The following PSD4 variants were observed in gnomAD, a reference collection of about 807,000 sequenced individuals.
PSD4 encodes the protein PH and SEC7 domain-containing protein 4.
PSD4 carries 59 observed loss-of-function variants against 112.5 expected under a neutral mutation model. The observed-to-expected ratio is 0.52, with a 90% CI of 0.43 to 0.65. The LOEUF (loss-of-function observed/expected upper bound fraction) is 0.65, where lower values mean the gene tolerates loss of function less well. PSD4 is among the 30% of genes least tolerant of loss of function. PSD4 has a pLI of 0.00. For synonymous variants in PSD4, 533 were observed against 540.0 expected (o/e 0.99, Z 0.18); for missense variants, 1,267 against 1,352.6 (o/e 0.94, Z 0.99).
chr2:113,199,010 G>C, intron 15 of PSD4, 73 bp from the exon 16 acceptor site: 1 of 1,511,684 alleles, frequency 6.6e-7, no homozygotes, highest in East Asian at 2.5e-5. Context: ...GGCCAGGGGG[G>C]CGGCGCGCCC....
rs771571294 is a variant in PSD4 at position 113,193,270 on chromosome 2, G to C, written c.1932G>C (p.Gln644His). The change falls in exon 8 of 17, where the codon CAG becomes CAC. Residue 644 changes from glutamine (Q) to histidine (H), a missense_variant. This residue lies in a region of PSD4 where 544 missense variants were observed against 648.6 expected (regional missense o/e 0.84). Transcript: ENST00000245796. ...CCCTCCTTTGCAGGAGCTTCCTCCA[G>C]GCCTTGGTGCTCAGTGGGGAGACTC... is the stretch of plus-strand genomic sequence containing the variant. ...SLDRALRSFLQALVLSGETQE... is the reference protein window; with the variant it reads ...SLDRALRSFLHALVLSGETQE... 1 of 1,587,270 alleles carries C rather than the reference G, an allele frequency of 6.3e-7. No homozygotes were observed. The highest frequency in any genetic ancestry group is 8.6e-7 in the Non-Finnish European group (1 of 1,168,488).
chr2:113,198,863 G>T lies in PSD4; in HGVS notation c.2748G>T (p.Val916=). The change falls in exon 15 of 17, where the codon GTG becomes GTT. Residue 916 remains valine (V), a synonymous_variant. Transcript: ENST00000245796. ...GATTCGTGCGGCCCATCCTGCCCGT[G>T]GGCCCCGCCCAGAGCTCCCTGGTAC... ...QRRFVRPILP[V]GPAQSSLEEQ... 6.3e-7 allele frequency: 1 copy of T among 1,594,702 alleles called. No individual in the cohort carries two copies. The highest frequency in any genetic ancestry group is 8.5e-7 in the Non-Finnish European group (1 of 1,177,132).
At position 113,202,635 on chromosome 2, in the gene PSD4, C is replaced by G. The variant is rs979179853; in HGVS notation, c.*1220C>G. The G allele has an allele frequency of 3.9e-5, 6 of 152,376 alleles. No individual in the cohort carries two copies. The East Asian group carries it at 7.7e-4, about 20-fold the overall frequency. 9.4% of individuals were successfully genotyped at this position (152,376 alleles called of 1,614,324 possible). ...TCTGCCTGTAGGAAGGAGGCTGGGC[C>G]GGAGGGACCAGCCACCATTGTCTCT... On this transcript the variant is annotated 3_prime_UTR_variant, in exon 17 of 17. Transcript: ENST00000245796.
rs570623720 is a variant in PSD4, at chr2:113,186,179, G to T, written c.1552G>T (p.Val518Leu). 2 of 1,614,060 alleles carry T rather than the reference G, an allele frequency of 1.2e-6. No homozygotes were observed. Among genetic ancestry groups the T allele is most frequent in the Admixed American group, 1.7e-5 (1 of 60,024 alleles). ...GGAGGCCCCAAAACCAGGCGAGGAA[G>T]TAAAGAGTGAAGGAACAGCCAGGCC... ...AGEAPKPGEEVKSEGTARPAE... is the reference protein window; with the variant it reads ...AGEAPKPGEELKSEGTARPAE... The change falls in exon 5 of 17, where the codon GTA (valine) becomes TTA (leucine). Residue 518 changes from valine (V) to leucine (L), a missense_variant. Coordinates refer to ENST00000245796, the MANE Select transcript of PSD4 (RefSeq NM_012455.3).
chr2:113,174,032 A>T lies in PSD4; in HGVS notation c.-134A>T, dbSNP rs1447654229. On this transcript the variant is annotated 5_prime_UTR_variant, in exon 1 of 17. Coordinates refer to ENST00000245796, the MANE Select transcript of PSD4 (RefSeq NM_012455.3). The stretch of plus-strand genomic sequence containing the variant: ...GCTCTTGGGGAGCCCAGGCCAAGCC[A>T]TCCATTCTTGGGTCCTTTGGAGGTG... 1 of 152,518 alleles carries T rather than the reference A, an allele frequency of 6.6e-6. No homozygotes were observed. 9.4% of individuals were successfully genotyped at this position (152,518 alleles called of 1,614,324 possible).
In PSD4 at chr2:113,182,637, C is replaced by A. The variant is rs1201961268; in HGVS notation, c.181C>A (p.Gln61Lys). Residue 61 changes from glutamine to lysine, a missense_variant, in exon 2 of 17, where the codon CAA becomes AAA. Physicochemically the swap from Gln to Lys is moderately conservative, Grantham distance 53 (BLOSUM62 1). Coordinates refer to ENST00000245796, the MANE Select transcript of PSD4 (RefSeq NM_012455.3). ...WATDPPEPTR[Q>K]NVPPWGSGVE... The stretch of plus-strand genomic sequence containing the variant: ...CACTGACCCTCCTGAACCTACCAGA[C>A]AAAATGTTCCTCCCTGGGGCTCCGG... 2.5e-6 allele frequency: 4 copies of A among 1,613,962 alleles called. No individual in the cohort carries two copies. Among genetic ancestry groups the A allele is most frequent in the South Asian group, 1.1e-5 (1 of 91,038 alleles).
chr2:113,184,928 TCTC>T (rs1439403861), intron 2 of PSD4, 26 bp from the exon 3 acceptor site: 8 of 1,613,078 alleles, frequency 5.0e-6, no homozygotes, highest in Non-Finnish European at 6.8e-6. Context: ...CCTCTCCTTC[TCTC>T]CTCTGTCTCT....
chr2:113,196,307 A>C lies in PSD4; in HGVS notation c.2386A>C (p.Thr796Pro), dbSNP rs1249367878. 1 of 1,611,458 alleles carries C rather than the reference A, an allele frequency of 6.2e-7. No individual in the cohort carries two copies. Among genetic ancestry groups the C allele is most frequent in the East Asian group, 2.2e-5 (1 of 44,752 alleles). The stretch of plus-strand genomic sequence containing the variant: ...GCATCAAGATGCAGACGGCAAGAAG[A>C]GTGAGTGTCTGCTGCCCACAAACAG... ...KMHQDADGKK[T>P]PWGKRGWKMF... The change falls in exon 12 of 17, where the codon ACG becomes CCG. Residue 796 changes from threonine (T) to proline (P), a missense_variant and splice_region_variant. Coordinates refer to ENST00000245796, the MANE Select transcript of PSD4 (RefSeq NM_012455.3).
chr2:113,199,832 G>C (rs1688724574), intron 16 of PSD4, among the ~76,000 whole-genome samples: 1 of 152,020 alleles, frequency 6.6e-6, no homozygotes, highest in African/African-American at 2.4e-5. Flanking sequence ...TTTTGTTTTT[G>C]TTTTTGTTTT....
chr2:113,199,085 G>A lies in PSD4; in HGVS notation c.2772G>A (p.Glu924=). 6.5e-7 allele frequency: 1 copy of A among 1,527,830 alleles called. No individual in the cohort carries two copies. 94.6% of individuals were successfully genotyped at this position (1,527,830 alleles called of 1,614,324 possible). The part of the protein sequence containing the change: ...LPVGPAQSSL[E]EQHRSHENCL... Reference sequence around the variant, plus strand: ...CCCTCACCGCCCGCTGCTCGCAGGAGGAGCAGCATCGATCCCACGAGAACT... The same window carrying A: ...CCCTCACCGCCCGCTGCTCGCAGGAAGAGCAGCATCGATCCCACGAGAACT... The change falls in exon 16 of 17, where the codon GAG becomes GAA. Residue 924 remains glutamate (E), a splice_region_variant and synonymous_variant. Coordinates refer to ENST00000245796, the MANE Select transcript of PSD4 (RefSeq NM_012455.3).
intron 11 of PSD4, 147 bp from the exon 12 acceptor site, chr2:113,196,000 G>A: frequency 8.9e-7 from 1 of 1,125,538 alleles, no homozygotes. Context: ...GAATTGATGG[G>A]TTCACTGTGA....
In PSD4 at chr2:113,205,582, G is replaced by A; in HGVS notation, c.*4167G>A. 6.6e-6 allele frequency: 1 copy of A among 152,152 alleles called. No individual in the cohort carries two copies. Among genetic ancestry groups the A allele is most frequent in the Non-Finnish European group, 1.5e-5 (1 of 67,992 alleles). 9.4% of individuals were successfully genotyped at this position (152,152 alleles called of 1,614,324 possible). A position where few individuals can be genotyped will look rare whatever the true frequency, so the allele number is the denominator to read the frequency against. ...GAGGCGGAGGTTGCAGTGAGCTGAG[G>A]TTGCGCCATTGCACTCCAGCCTGGG... On this transcript the variant is annotated 3_prime_UTR_variant, in exon 17 of 17. Transcript: ENST00000245796.
intron 8 of PSD4, 92 bp downstream of exon 8, chr2:113,193,462 G>A (rs898900206): frequency 4.1e-5 from 61 of 1,483,420 alleles, no homozygotes; most frequent in Admixed American, 8.5e-5. Flanking sequence ...GAACTGGTGG[G>A]AGTGTGTTGG....
Position 113,192,365 on chromosome 2 carries a change from C to A in PSD4, c.1629-15C>A. On this transcript the variant is annotated splice_polypyrimidine_tract_variant and intron_variant, in intron 5 of 16. Transcript: ENST00000245796. ...AAGAACACTTGACCCAGAGCTCCTG[C>A]ATGTCTATCTCAAGTGAGAATCTGA... 1.2e-6 allele frequency: 2 copies of A among 1,612,022 alleles called. No homozygotes were observed. Among genetic ancestry groups the A allele is most frequent in the Non-Finnish European group, 1.7e-6 (2 of 1,178,132 alleles).
intron 2 of PSD4, among the ~76,000 whole-genome samples, chr2:113,184,628 G>A (rs6750127): frequency 0.49 from 74,802 of 151,898 alleles, 18,969 homozygotes; most frequent in East Asian, 0.61. Flanking sequence ...ACACCTGGGC[G>A]TCCCAGAGTG....
chr2:113,178,404 C>A (rs1245781954), intron 1 of PSD4, among the ~76,000 whole-genome samples: 1 of 151,784 alleles, frequency 6.6e-6, no homozygotes, highest in Non-Finnish European at 1.5e-5. Context: ...GCTCGGAAAG[C>A]TGCTGCAGCC....
At chr2:113,188,739 C>T (rs1688369253) in intron 5 of PSD4, among the ~76,000 whole-genome samples, 2 of 152,178 alleles carry the variant, frequency 1.3e-5, no homozygotes, top group African/African-American at 4.8e-5. Flanking sequence ...CGCCACTGCG[C>T]CCGGCTAATT....
At chr2:113,200,071 C>G (rs1051506140) in intron 16 of PSD4, among the ~76,000 whole-genome samples, 2 of 152,172 alleles carry the variant, frequency 1.3e-5, no homozygotes, top group Non-Finnish European at 1.5e-5. Flanking sequence ...AGTGGTCTGC[C>G]TGCCTCAGCC....
At position 113,183,111 on chromosome 2, in the gene PSD4, G is replaced by A. The variant is rs777967009; in HGVS notation, c.655G>A (p.Glu219Lys). The A allele has an allele frequency of 1.2e-6, 2 of 1,613,758 alleles. No homozygotes were observed. The highest frequency in any genetic ancestry group is 1.3e-5 in the African/African-American group (1 of 74,954). Residue 219 changes from glutamate (E) to lysine (K), a missense_variant, in exon 2 of 17, where the codon GAG becomes AAG. This residue lies in a region of PSD4 where 723 missense variants were observed against 704.0 expected (regional missense o/e 1.03). Coordinates refer to ENST00000245796, the MANE Select transcript of PSD4 (RefSeq NM_012455.3). ...EDSGEDSSEP[E>K]GEGQAWLREG... ...CTCAGGGGAAGACAGCAGTGAGCCT[G>A]AGGGAGAGGGCCAGGCATGGCTGAG...
Sources: gnomAD v4.1 joint callset for allele counts (sites outside exome capture counted in the v4.1 genomes callset) on GRCh38, gnomAD v4.1.1 for gene constraint, gnomAD v4.1.1 regional missense constraint, MANE v1.5 for transcripts, NCBI Gene and HGNC (gene_info 2026-07-23, HGNC 2026-07-21) for gene names.